The following CYLC1 variants were observed in gnomAD, a reference collection of about 807,000 sequenced individuals.
The protein encoded by CYLC1 is cylicin-1.
A neutral mutation model predicts 31.6 loss-of-function variants in CYLC1; 2 were observed. That is an observed-to-expected ratio of 0.06 (90% confidence interval 0.03 to 0.20). The LOEUF (loss-of-function observed/expected upper bound fraction) is 0.20. Among genes scored for constraint, CYLC1 ranks in the 10% least tolerant of loss-of-function variants. CYLC1 has a pLI of 1.00. For synonymous variants in CYLC1, 185 were observed against 153.0 expected (o/e 1.21, Z -1.54); for missense variants, 595 against 424.1 (o/e 1.40, Z -3.54).
At chrX:83,868,328 C>A (rs921575374) in intron 1 of CYLC1, among the ~76,000 whole-genome samples, 6 of 110,851 alleles carry the variant, frequency 5.4e-5, no homozygotes, top group Non-Finnish European at 9.5e-5. Flanking sequence ...GTATTTTCTT[C>A]TATTTAGTTA....
chrX:83,861,418 C>T (rs1342216437), intron 1 of CYLC1, among the ~76,000 whole-genome samples: 2 of 110,513 alleles, frequency 1.8e-5, no homozygotes, highest in Non-Finnish European at 3.8e-5. Flanking sequence ...AAAATACCTG[C>T]GAATCTTGAC....
At chrX:83,869,777 A>C (rs2031638861) in intron 1 of CYLC1, 88 bp from the exon 2 acceptor site, 2 of 446,492 alleles carry the variant, frequency 4.5e-6, no homozygotes, top group South Asian at 1.1e-4. Context: ...TTTTTTTAGA[A>C]ATAAAGGATA....
At position 83,874,254 on chromosome X, in the gene CYLC1, G is replaced by A. The variant is rs201228346; in HGVS notation, c.1546G>A (p.Asp516Asn). The stretch of plus-strand genomic sequence containing the variant: ...AGATATCAAGAAGGATGCAAGAAAG[G>A]ACACAGAGTCTACTGATGCTGAATT... ...KKDIKKDARK[D>N]TESTDAEFDE... The change falls in exon 4 of 5, where the codon GAC becomes AAC. Residue 516 changes from aspartate (D) to asparagine (N), a missense_variant. Transcript: ENST00000329312. 9.9e-6 allele frequency: 12 copies of A among 1,207,123 alleles called. No homozygotes were observed. In the African/African-American group the frequency reaches 2.1e-4, roughly 21 times the overall value.
intron 1 of CYLC1, among the ~76,000 whole-genome samples, chrX:83,869,392 A>T (rs928981505): frequency 8.2e-5 from 9 of 109,702 alleles, no homozygotes. Context: ...GATAGACCCC[A>T]ATGTGTGTTG....
chrX:83,875,034 T>C (rs761992007), intron 4 of CYLC1, among the ~76,000 whole-genome samples: 4 of 111,266 alleles, frequency 3.6e-5, no homozygotes, highest in Non-Finnish European at 7.6e-5. Context: ...CTGAATACAG[T>C]AAAAGCTAGA....
intron 2 of CYLC1, among the ~76,000 whole-genome samples, chrX:83,871,234 CA>C (rs2031659132): frequency 9.0e-6 from 1 of 110,684 alleles, no homozygotes; most frequent in Non-Finnish European, 1.9e-5. Context: ...AATAAAATTA[CA>C]AATTTCATTT....
At chrX:83,866,720 A>G (rs1374723553) in intron 1 of CYLC1, among the ~76,000 whole-genome samples, 2 of 109,219 alleles carry the variant, frequency 1.8e-5, no homozygotes, top group African/African-American at 6.7e-5. Context: ...GATCACATCC[A>G]TAAGTCACAT....
At chrX:83,879,190 A>G (rs1180356643) in intron 4 of CYLC1, among the ~76,000 whole-genome samples, 1 of 110,730 alleles carries the variant, frequency 9.0e-6, no homozygotes, top group African/African-American at 3.3e-5. Context: ...ATACAACAAC[A>G]GAAACAATAT....
At chrX:83,872,070 G>T (rs1224323289) in intron 3 of CYLC1, among the ~76,000 whole-genome samples, 1 of 111,062 alleles carries the variant, frequency 9.0e-6, no homozygotes, top group Admixed American at 9.6e-5. Context: ...CAAAGTTACA[G>T]TCAATGCATT....
chrX:83,883,586 C>T (rs1193872380), intron 4 of CYLC1, among the ~76,000 whole-genome samples: 1 of 111,795 alleles, frequency 8.9e-6, no homozygotes, highest in Non-Finnish European at 1.9e-5. Flanking sequence ...TAGGAACACT[C>T]AAAATATTAT....
At chrX:83,866,683 A>G (rs187951130) in intron 1 of CYLC1, among the ~76,000 whole-genome samples, 6 of 110,984 alleles carry the variant, frequency 5.4e-5, no homozygotes, top group Non-Finnish European at 1.1e-4. Flanking sequence ...TATTTAGTCT[A>G]TATTCCTGGC....
chrX:83,866,043 T>G (rs1359758731), intron 1 of CYLC1, among the ~76,000 whole-genome samples: 1 of 111,496 alleles, frequency 9.0e-6, no homozygotes, highest in Non-Finnish European at 1.9e-5. Flanking sequence ...AAGTCCAACA[T>G]CATATCCAAA....
intron 1 of CYLC1, among the ~76,000 whole-genome samples, chrX:83,862,692 C>T (rs2031532748): frequency 1.8e-5 from 2 of 112,305 alleles, no homozygotes; most frequent in South Asian, 7.4e-4. Flanking sequence ...CCTCTTAGAT[C>T]ACAAAGACCT....
At chrX:83,875,563 G>GT (rs1226595039) in intron 4 of CYLC1, among the ~76,000 whole-genome samples, 2 of 111,375 alleles carry the variant, frequency 1.8e-5, no homozygotes, top group African/African-American at 6.5e-5. Context: ...AGAAACTCCC[G>GT]TTTTTAAAAC....
In CYLC1 at chrX:83,874,253, G is replaced by A; in HGVS notation, c.1545G>A (p.Lys515=). The change falls in exon 4 of 5, where the codon AAG becomes AAA. Residue 515 remains lysine, a synonymous_variant. Transcript: ENST00000329312. The part of the protein sequence containing the change: ...SKKDIKKDAR[K]DTESTDAEFD... ...AAGATATCAAGAAGGATGCAAGAAA[G>A]GACACAGAGTCTACTGATGCTGAAT... The A allele has an allele frequency of 8.3e-7, 1 of 1,208,764 alleles. No homozygotes were observed. Among genetic ancestry groups the A allele is most frequent in the Non-Finnish European group, 1.1e-6 (1 of 893,836 alleles).
At chrX:83,878,478 T>TATATAA in intron 4 of CYLC1, among the ~76,000 whole-genome samples, 2 of 59,328 alleles carry the variant, frequency 3.4e-5, no homozygotes, top group African/African-American at 1.4e-4. Flanking sequence ...TATATATAAA[T>TATATAA]ATATATAAAT....
intron 1 of CYLC1, 79 bp downstream of exon 1, chrX:83,861,278 CTG>C: frequency 1.4e-6 from 1 of 702,126 alleles, no homozygotes. Flanking sequence ...ATATGTTTAA[CTG>C]TAAAGAATGT....
intron 1 of CYLC1, chrX:83,864,811 T>C (rs1278769635): frequency 4.4e-6 from 1 of 228,877 alleles, no homozygotes; most frequent in Non-Finnish European, 8.1e-6. Context: ...TGAAATATTC[T>C]TCTCTTGGTT....
At chrX:83,877,205 T>C (rs1057017130) in intron 4 of CYLC1, among the ~76,000 whole-genome samples, 3 of 111,155 alleles carry the variant, frequency 2.7e-5, no homozygotes, top group African/African-American at 9.8e-5. Flanking sequence ...TTGTTTACTC[T>C]ACCTCCAAAA....
Sources: allele counts gnomAD v4.1 joint callset (sites outside exome capture counted in the v4.1 genomes callset), GRCh38; gene constraint gnomAD v4.1.1; transcripts MANE v1.5; gene names NCBI Gene and HGNC (gene_info 2026-07-23, HGNC 2026-07-21).